INF2: variants seen among roughly 807,000 people sequenced by gnomAD.
The protein encoded by INF2 is inverted formin-2.
Under a neutral mutation model 123.5 loss-of-function variants are expected in INF2, and 43 were observed. The observed-to-expected ratio is 0.35, with a 90% confidence interval of 0.27 to 0.45. The LOEUF (loss-of-function observed/expected upper bound fraction) is 0.45. INF2 is among the 20% of genes least tolerant of loss of function. The pLI, the probability that INF2 is intolerant of heterozygous loss-of-function variation, is 1.00. For synonymous variants in INF2, 851 were observed against 745.0 expected, an observed-to-expected ratio of 1.14 and a Z score of -2.32; for missense variants, 1,453 against 1,682.7, an observed-to-expected ratio of 0.86 and a Z score of 2.39.
intron 1 of INF2, among the ~76,000 whole-genome samples, chr14:104,693,741 G>A (rs943909133): frequency 6.6e-6 from 1 of 152,206 alleles, no homozygotes; most frequent in Admixed American, 6.5e-5. Flanking sequence ...GTGGCCAGCT[G>A]TGCGAGGAGG....
upstream of INF2, among the ~76,000 whole-genome samples, chr14:104,686,790 C>T (rs1009962081): frequency 1.4e-4 from 21 of 152,148 alleles, no homozygotes; most frequent in Non-Finnish European, 2.5e-4. Flanking sequence ...TGCACGGCGG[C>T]GCCAACATCA....
chr14:104,720,146 GCTTC>G lies in INF2; in HGVS notation c.*1358_*1361del, dbSNP rs1380586081. ...CTCCAGATGTCATGCATGTCTCCTGGCTTCCTTCGGCTGTTTTCACGCGCCATCC... is the reference window on the plus strand; with the variant it reads ...CTCCAGATGTCATGCATGTCTCCTGGCTTCGGCTGTTTTCACGCGCCATCC... On this transcript the variant is annotated 3_prime_UTR_variant, in exon 23 of 23. Transcript: ENST00000392634. 1.9e-5 allele frequency: 3 copies of G among 154,810 alleles called. No individual in the cohort carries two copies. Among genetic ancestry groups the G allele is most frequent in the African/African-American group, 7.2e-5 (3 of 41,454 alleles). 9.6% of individuals were successfully genotyped at this position (154,810 alleles called of 1,614,324 possible).
At chr14:104,706,303 C>G (rs1168417074) in intron 6 of INF2, 127 bp downstream of exon 6, 1 of 1,026,644 alleles carries the variant, frequency 9.7e-7, no homozygotes, top group African/African-American at 1.6e-5. Context: ...GGCCATGGTG[C>G]CAGCTTTGGG....
chr14:104,693,835 C>T (rs1313697990), intron 1 of INF2, among the ~76,000 whole-genome samples: 2 of 152,224 alleles, frequency 1.3e-5, no homozygotes. Flanking sequence ...TACAGCCTGC[C>T]TGCCCCACCC....
rs1413571611 is a variant in INF2 at position 104,710,197 on chromosome 14, G to A, written c.2239+9G>A. On this transcript the variant is annotated intron_variant, in intron 13 of 22. Transcript: ENST00000392634. ...GCTGGCTGCCTGCGAAAGTGAGTGG[G>A]GCCAAGCGGGGCACGTGTGCAGGAG... 1.8e-5 allele frequency: 28 copies of A among 1,538,194 alleles called. No homozygotes were observed. Among genetic ancestry groups the A allele is most frequent in the Middle Eastern group, 2.0e-4 (1 of 4,978 alleles).
exon 1 of INF2, chr14:104,681,473 C>A: frequency 1.1e-6 from 1 of 902,982 alleles, no homozygotes; most frequent in Non-Finnish European, 1.6e-6. Flanking sequence ...AGAAAGCACT[C>A]AGCTAAGCCC....
intron 16 of INF2, 75 bp from the exon 17 acceptor site, chr14:104,712,358 G>C (rs1377970937): frequency 1.3e-6 from 2 of 1,596,836 alleles, no homozygotes; most frequent in African/African-American, 2.7e-5. Flanking sequence ...GGGGGGTGCA[G>C]GGGAGGGGCT....
chr14:104,711,498 T>G lies in INF2; in HGVS notation c.2419-131T>G, dbSNP rs536282923. ...CATAGCCAGGCCCAAGGGAAAGATTTGAGGGTCTGGAGTACTGGGGGTTTT... is the reference window on the plus strand; with the variant it reads ...CATAGCCAGGCCCAAGGGAAAGATTGGAGGGTCTGGAGTACTGGGGGTTTT... On this transcript the variant is annotated intron_variant, in intron 15 of 22. Transcript: ENST00000392634. The G allele has an allele frequency of 5.1e-5, 41 of 810,986 alleles. No homozygotes were observed. In the South Asian group the frequency reaches 5.6e-4, roughly 11 times the overall value. The allele number at this position is 810,986 out of a possible 1,614,324, so 50.2% of individuals were successfully genotyped here. A position where few individuals can be genotyped will look rare whatever the true frequency, so the allele number is the denominator to read the frequency against.
rs940258822 is a variant in INF2, at chr14:104,684,175, A to G, written c.-104+2593A>G. 11 of 455,624 alleles carry G rather than the reference A, an allele frequency of 2.4e-5. No individual in the cohort carries two copies. The highest frequency in any genetic ancestry group is 2.0e-4 in the African/African-American group (10 of 50,054). 28.2% of individuals were successfully genotyped at this position (455,624 alleles called of 1,614,324 possible). ...TAACCTGCGTGCCGCCACGGGAAAC[A>G]GCACGCATCCCATCTGGACTCCCAC... On this transcript the variant is annotated intron_variant, in intron 1 of 2. Transcript: ENST00000674723. This position sits in a 1 kb window ranked among gnomAD's most constrained non-coding sequence, Gnocchi z 5.0.
chr14:104,720,924 G>A lies in INF2; in HGVS notation c.*2131G>A, dbSNP rs1432387563. On this transcript the variant is annotated 3_prime_UTR_variant, in exon 23 of 23. Transcript: ENST00000392634. Reference sequence around the variant, plus strand: ...GGATGCTGCTGTGGACGTCTGCGTCGTCCTCGTGTGGATGCTGCTGTGGAC... The same window carrying A: ...GGATGCTGCTGTGGACGTCTGCGTCATCCTCGTGTGGATGCTGCTGTGGAC... The A allele has an allele frequency of 1.3e-4, 6 of 46,332 alleles. No homozygotes were observed. Among genetic ancestry groups the A allele is most frequent in the East Asian group, 6.2e-4 (1 of 1,618 alleles). 2.9% of individuals were successfully genotyped at this position (46,332 alleles called of 1,614,324 possible). A position where few individuals can be genotyped will look rare whatever the true frequency, so the allele number is the denominator to read the frequency against.
chr14:104,700,665 G>T (rs1390850442), intron 1 of INF2, among the ~76,000 whole-genome samples: 1 of 152,072 alleles, frequency 6.6e-6, no homozygotes, highest in African/African-American at 2.4e-5. Context: ...TTACCTACCC[G>T]GGTGTTCCCA....
rs567311936 is a variant in INF2 at position 104,699,151 on chromosome 14, C to T, written c.-9-2206C>T. On this transcript the variant is annotated intron_variant, in intron 1 of 22. Coordinates refer to ENST00000392634, the MANE Select transcript of INF2 (RefSeq NM_022489.4). The surrounding 1 kb of genome is among the most constrained non-coding windows in gnomAD (Gnocchi z 4.7). ...GGGCCTGGGGCACGGTGGCTCTCGGCGGCACTGCTTGTCTCTAAAAGGTCA... is the reference window on the plus strand; with the variant it reads ...GGGCCTGGGGCACGGTGGCTCTCGGTGGCACTGCTTGTCTCTAAAAGGTCA... Among the ~76,000 whole-genome samples the T allele has an allele frequency of 6.0e-4, 91 of 152,002 alleles. No homozygotes were observed. The highest frequency in any genetic ancestry group is 1.7e-3 in the Admixed American group (26 of 15,268).
Position 104,719,094 on chromosome 14 carries a change from C to G in INF2, c.*301C>G. The G allele has an allele frequency of 1.9e-6, 1 of 527,358 alleles. No individual in the cohort carries two copies. Among genetic ancestry groups the G allele is most frequent in the Non-Finnish European group, 3.2e-6 (1 of 308,304 alleles). 32.7% of individuals were successfully genotyped at this position (527,358 alleles called of 1,614,324 possible). On this transcript the variant is annotated 3_prime_UTR_variant, in exon 23 of 23. Coordinates refer to ENST00000392634, the MANE Select transcript of INF2 (RefSeq NM_022489.4). ...CCCGCATGCGCCCGGTGCAGCCTGC[C>G]AAGGGCCAGTCGGGGGGTGCTGCGT...
rs2140638628 is a variant in INF2, at chr14:104,701,584, C to T, written c.219C>T (p.Gly73=). The stretch of plus-strand genomic sequence containing the variant: ...TGGTGCAGTTCCTGGAGCAGAGCGG[C>T]CTGGACCTGCTGCTGGAGGCGCTGG... ...GWMVQFLEQS[G]LDLLLEALAR... is the part of the protein sequence containing the mutation. Residue 73 remains glycine, a synonymous_variant, in exon 2 of 23, where the codon GGC becomes GGT. Transcript: ENST00000392634. 1 of 1,607,722 alleles carries T rather than the reference C, an allele frequency of 6.2e-7. No homozygotes were observed. Among genetic ancestry groups the T allele is most frequent in the Non-Finnish European group, 8.5e-7 (1 of 1,178,876 alleles).
Position 104,713,126 on chromosome 14 carries a change from C to G in INF2, c.2776-81C>G, listed in dbSNP as rs138919548. The G allele has an allele frequency of 0.015, 24,343 of 1,604,298 alleles. 298 individuals carry two copies. Among genetic ancestry groups the G allele is most frequent in the South Asian group, 0.039 (3,498 of 90,322 alleles). On this transcript the variant is annotated intron_variant, in intron 18 of 22. Coordinates refer to ENST00000392634, the MANE Select transcript of INF2 (RefSeq NM_022489.4). Reference sequence around the variant, plus strand: ...CCATGTGGGCCCTGCGCTGCTGCGGCTCAGGGAGGGGGACGCCCAGGCCCA... The same window carrying G: ...CCATGTGGGCCCTGCGCTGCTGCGGGTCAGGGAGGGGGACGCCCAGGCCCA...
rs747987851 is a variant in INF2, at chr14:104,715,452, C to T, written c.*1+112C>T. The stretch of plus-strand genomic sequence containing the variant: ...ACTAACCTGGCTTCTCTCCAGCCCG[C>T]GTGGTGCGTCAGTGTGGCCTTGCCG... On this transcript the variant is annotated intron_variant, in intron 22 of 22. Coordinates refer to ENST00000392634, the MANE Select transcript of INF2 (RefSeq NM_022489.4). 12 of 1,014,176 alleles carry T rather than the reference C, an allele frequency of 1.2e-5. No individual in the cohort carries two copies. The African/African-American group carries it at 1.6e-4, about 13-fold the overall frequency. The allele number at this position is 1,014,176 out of a possible 1,614,324, so 62.8% of individuals were successfully genotyped here. A position where few individuals can be genotyped will look rare whatever the true frequency, so the allele number is the denominator to read the frequency against.
Position 104,708,515 on chromosome 14 carries a change from A to C in INF2, c.1815A>C (p.Leu605=). 1 of 1,612,190 alleles carries C rather than the reference A, an allele frequency of 6.2e-7. No homozygotes were observed. The highest frequency in any genetic ancestry group is 1.3e-5 in the African/African-American group (1 of 74,906). ...VEPDFSSIER[L]FSFPAAKPKE... ...CCGACTTCTCCAGCATCGAGCGACT[A>C]TTCTCCTTCCCTGCAGCCAAGCCCA... The change falls in exon 9 of 23, where the codon CTA becomes CTC. Residue 605 remains leucine, a synonymous_variant. Transcript: ENST00000392634.
intron 15 of INF2, 114 bp from the exon 16 acceptor site, chr14:104,711,515 G>A: frequency 1.1e-6 from 1 of 913,736 alleles, no homozygotes; most frequent in Non-Finnish European, 1.8e-6. Flanking sequence ...CTGGAGTACT[G>A]GGGGTTTTCT....
At position 104,684,511 on chromosome 14, in the gene INF2, G is replaced by A. The variant is rs985897991; in HGVS notation, c.-104+2929G>A. ...CAGACACAAAGGTTGACATTTACAC[G>A]CAATCCTAGAATGACGGCTCTATGG... On this transcript the variant is annotated intron_variant, in intron 1 of 2. Transcript: ENST00000674723. This position sits in a 1 kb window ranked among gnomAD's most constrained non-coding sequence, Gnocchi z 5.0. 3.2e-4 allele frequency: 58 copies of A among 180,164 alleles called. No homozygotes were observed. Among genetic ancestry groups the A allele is most frequent in the African/African-American group, 1.3e-3 (53 of 42,082 alleles). The allele number at this position is 180,164 out of a possible 1,614,324, so 11.2% of individuals were successfully genotyped here.
Sources: gnomAD v4.1 joint callset for allele counts (sites outside exome capture counted in the v4.1 genomes callset) on GRCh38, gnomAD v4.1.1 for gene constraint, Gnocchi (gnomAD v3.1) non-coding constraint, MANE v1.5 for transcripts, NCBI Gene and HGNC (gene_info 2026-07-23, HGNC 2026-07-21) for gene names.